Variants in DLG2 observed in about 807,000 individuals in gnomAD.
DLG2 encodes the protein disks large homolog 2.
DLG2 carries 45 observed loss-of-function variants against 132.5 expected under a neutral mutation model. The observed-to-expected ratio is 0.34, with a 90% CI of 0.27 to 0.44. DLG2 has a LOEUF of 0.44. Among genes scored for constraint, DLG2 ranks in the 20% least tolerant of loss-of-function variants. The pLI is 1.00. For synonymous variants in DLG2, 424 were observed against 419.6 expected (o/e 1.01, Z -0.13); for missense variants, 1,045 against 1,196.9 (o/e 0.87, Z 1.87).
chr11:83,995,657 C>T (rs752335907), intron 11 of DLG2, among the ~76,000 whole-genome samples: 4 of 152,046 alleles, frequency 2.6e-5, no homozygotes, highest in Non-Finnish European at 5.9e-5. Flanking sequence ...ATAGACAGCC[C>T]AGAAACAAAT....
chr11:83,736,582 G>A (rs1418234715), intron 18 of DLG2, among the ~76,000 whole-genome samples: 1 of 152,114 alleles, frequency 6.6e-6, no homozygotes, highest in East Asian at 1.9e-4. Flanking sequence ...TGACAGCGCT[G>A]GTTAATAAAT....
In DLG2 at chr11:83,571,263, AAT is replaced by A. The variant is rs796261524; in HGVS notation, c.1941-29407_1941-29406del. On this transcript the variant is annotated intron_variant, in intron 19 of 27. Transcript: ENST00000376104. ...TTTATTCAAGTACTTTAACTCAAGCAATTTAACAAATGTTTATTAAATCAAGA... is the reference window on the plus strand; with the variant it reads ...TTTATTCAAGTACTTTAACTCAAGCATTAACAAATGTTTATTAAATCAAGA... Among the ~76,000 whole-genome samples, 17 of 152,196 alleles carry A rather than the reference AAT, an allele frequency of 1.1e-4. 1 individual carries two copies. Among genetic ancestry groups the A allele is most frequent in the African/African-American group, 4.1e-4 (17 of 41,532 alleles).
intron 3 of DLG2, among the ~76,000 whole-genome samples, chr11:85,499,180 A>C (rs973817422): frequency 1.3e-5 from 2 of 152,060 alleles, no homozygotes; most frequent in Admixed American, 6.6e-5. Context: ...TTTAAAAGAT[A>C]AACAAAATAG....
intron 6 of DLG2, among the ~76,000 whole-genome samples, chr11:85,013,394 T>C (rs1033169927): frequency 3.9e-5 from 6 of 152,140 alleles, no homozygotes; most frequent in Admixed American, 2.0e-4. Flanking sequence ...AAGAATTGCA[T>C]GGAGAAACCA....
intron 16 of DLG2, among the ~76,000 whole-genome samples, chr11:83,848,511 C>T (rs1302713165): frequency 6.6e-6 from 1 of 152,024 alleles, no homozygotes; most frequent in Non-Finnish European, 1.5e-5. Context: ...ATTGTGTCTG[C>T]CCAATTTTCA....
At chr11:84,534,919 G>T (rs562724960) in intron 6 of DLG2, 188 bp from the exon 7 acceptor site, 8 of 728,214 alleles carry the variant, frequency 1.1e-5, no homozygotes, top group Non-Finnish European at 2.0e-5. Flanking sequence ...GCAGAACTGA[G>T]TTAACCACGA....
At chr11:83,627,468 G>T (rs2062781528) in intron 19 of DLG2, among the ~76,000 whole-genome samples, 1 of 152,018 alleles carries the variant, frequency 6.6e-6, no homozygotes, top group South Asian at 2.1e-4. Flanking sequence ...GCGGTGTTTG[G>T]TTTTCTGTCC....
chr11:85,393,341 G>A (rs1257909007), intron 3 of DLG2, among the ~76,000 whole-genome samples: 1 of 152,158 alleles, frequency 6.6e-6, no homozygotes, highest in Non-Finnish European at 1.5e-5. Context: ...TAGCATGGAT[G>A]TGGTGAAAAG....
At chr11:84,779,814 C>T (rs541237931) in intron 6 of DLG2, among the ~76,000 whole-genome samples, 9 of 151,798 alleles carry the variant, frequency 5.9e-5, no homozygotes, top group South Asian at 2.1e-4. Context: ...ACAACCTCCC[C>T]GTATTGAGCC....
Position 84,058,686 on chromosome 11 carries a change from T to TAAAAC in DLG2, c.919+624_919+628dup, listed in dbSNP as rs574515463. ...TGGGCAACAGAGTGAGACCCTGCCT[T>TAAAAC]AAAACAAAACAAAACAAAACAAAAA... On this transcript the variant is annotated intron_variant, in intron 11 of 27. Transcript: ENST00000376104. Among the ~76,000 whole-genome samples, 28 of 151,210 alleles carry TAAAAC rather than the reference T, an allele frequency of 1.9e-4. No homozygotes were observed. The South Asian group carries it at 5.0e-3, about 27-fold the overall frequency.
chr11:83,864,309 C>A (rs2154053849), intron 16 of DLG2, among the ~76,000 whole-genome samples: 1 of 152,274 alleles, frequency 6.6e-6, no homozygotes, highest in East Asian at 1.9e-4. Context: ...ATTCTGTCAC[C>A]CTATTAGTCT....
chr11:84,987,386 C>T (rs1431033133), intron 6 of DLG2, among the ~76,000 whole-genome samples: 2 of 152,110 alleles, frequency 1.3e-5, no homozygotes, highest in South Asian at 2.1e-4. Context: ...ATCAAAATAA[C>T]ATCATCATTC....
intron 6 of DLG2, among the ~76,000 whole-genome samples, chr11:84,659,453 T>A (rs1046788480): frequency 3.3e-5 from 5 of 152,294 alleles, no homozygotes; most frequent in African/African-American, 9.6e-5. Flanking sequence ...CCAAAATCTC[T>A]TGATGTTTTC....
intron 21 of DLG2, among the ~76,000 whole-genome samples, chr11:83,484,552 T>A (rs980027910): frequency 1.1e-4 from 17 of 152,026 alleles, no homozygotes; most frequent in African/African-American, 4.1e-4. Flanking sequence ...TGCTAGTTCA[T>A]CACCTTAGAA....
intron 4 of DLG2, among the ~76,000 whole-genome samples, chr11:85,173,088 C>A (rs182525374): frequency 9.2e-5 from 14 of 152,160 alleles, no homozygotes; most frequent in Admixed American, 7.9e-4. Context: ...CCTAGCAAAT[C>A]GGGCCAACAT....
intron 3 of DLG2, among the ~76,000 whole-genome samples, chr11:85,319,947 T>A (rs866617005): frequency 2.6e-5 from 4 of 151,828 alleles, no homozygotes; most frequent in Admixed American, 2.0e-4. Context: ...GTGAAAAAAA[T>A]TGCAACATTT....
intron 6 of DLG2, chr11:85,021,686 A>T: frequency 1.2e-5 from 12 of 1,006,334 alleles, no homozygotes; most frequent in Middle Eastern, 4.3e-4. Flanking sequence ...CACACAGCTG[A>T]AAATGTGGCT....
intron 8 of DLG2, among the ~76,000 whole-genome samples, chr11:84,235,048 A>T (rs1466449974): frequency 1.3e-5 from 2 of 152,180 alleles, no homozygotes; most frequent in Non-Finnish European, 2.9e-5. Context: ...CTTGGTCTCC[A>T]CAACCTCTTA....
intron 6 of DLG2, among the ~76,000 whole-genome samples, chr11:85,050,177 C>G (rs933788166): frequency 1.4e-5 from 2 of 142,710 alleles, no homozygotes; most frequent in African/African-American, 2.6e-5. Flanking sequence ...ATCTTCTGAA[C>G]TGAGGGTAAA....
Sources: allele counts gnomAD v4.1 joint callset (sites outside exome capture counted in the v4.1 genomes callset), GRCh38; gene constraint gnomAD v4.1.1; transcripts MANE v1.5; gene names NCBI Gene and HGNC (gene_info 2026-07-23, HGNC 2026-07-21).